Variants in MACROD2 observed in about 807,000 individuals in gnomAD.
MACROD2 encodes the protein mono-ADP ribosylhydrolase 2.
MACROD2 carries 36 observed loss-of-function variants against 70.4 expected under a neutral mutation model. That is an observed-to-expected ratio of 0.51 (90% CI 0.39 to 0.68). MACROD2 has a LOEUF of 0.68. Among genes scored for constraint, MACROD2 ranks in the 30% least tolerant of loss-of-function variants. The pLI, the probability that MACROD2 is intolerant of heterozygous loss-of-function variation, is 0.00. For missense variants in MACROD2, 496 were observed against 538.4 expected (o/e 0.92, Z 0.78); for synonymous variants, 172 against 178.8 (o/e 0.96, Z 0.30).
intron 8 of MACROD2, among the ~76,000 whole-genome samples, chr20:15,811,634 C>A (rs917189330): frequency 6.7e-6 from 1 of 149,754 alleles, no homozygotes; most frequent in Non-Finnish European, 1.5e-5. Flanking sequence ...TTTATTTGAT[C>A]TTTTTTTTTT....
chr20:14,068,770 A>G (rs2053801764), intron 2 of MACROD2, among the ~76,000 whole-genome samples: 1 of 152,174 alleles, frequency 6.6e-6, no homozygotes, highest in South Asian at 2.1e-4. Flanking sequence ...ATTGGGGAAT[A>G]GGGGCTGATA....
intron 5 of MACROD2, among the ~76,000 whole-genome samples, chr20:15,047,489 C>T (rs1024057894): frequency 1.3e-5 from 2 of 152,104 alleles, no homozygotes; most frequent in African/African-American, 4.8e-5. Context: ...ATATTTTTAA[C>T]TCATTTGTGT....
intron 6 of MACROD2, among the ~76,000 whole-genome samples, chr20:15,328,111 A>G (rs2077951960): frequency 6.6e-6 from 1 of 152,082 alleles, no homozygotes; most frequent in Admixed American, 6.6e-5. Flanking sequence ...GTCACTGCAC[A>G]GTATTTAATG....
chr20:15,975,882 G>C (rs1019247785), intron 13 of MACROD2, among the ~76,000 whole-genome samples: 5 of 152,160 alleles, frequency 3.3e-5, no homozygotes, highest in African/African-American at 1.2e-4. Flanking sequence ...GAAAACCAAG[G>C]ATGTCTAGAA....
intron 5 of MACROD2, among the ~76,000 whole-genome samples, chr20:14,936,972 A>C (rs946143220): frequency 6.6e-6 from 1 of 152,134 alleles, no homozygotes; most frequent in African/African-American, 2.4e-5. Context: ...AAAAAGAAGG[A>C]GCTTGTTATT....
intron 5 of MACROD2, among the ~76,000 whole-genome samples, chr20:14,860,354 T>C (rs1370545794): frequency 6.6e-6 from 1 of 152,126 alleles, no homozygotes; most frequent in African/African-American, 2.4e-5. Context: ...CAATGCTTTT[T>C]TTGGATAAGC....
At chr20:15,724,342 G>T (rs187063538) in intron 8 of MACROD2, among the ~76,000 whole-genome samples, 81 of 152,216 alleles carry the variant, frequency 5.3e-4, no homozygotes, top group African/African-American at 1.9e-3. Flanking sequence ...ATGAGTCATT[G>T]TCATACCCAA....
chr20:14,938,940 ATTTT>A (rs1230863391), intron 5 of MACROD2, among the ~76,000 whole-genome samples: 4 of 86,456 alleles, frequency 4.6e-5, no homozygotes, highest in Non-Finnish European at 7.6e-5. Flanking sequence ...GTTAAATCAG[ATTTT>A]TTTTTTTTTT....
chr20:14,535,169 G>C (rs1354661447), intron 4 of MACROD2, among the ~76,000 whole-genome samples: 1 of 152,152 alleles, frequency 6.6e-6, no homozygotes, highest in African/African-American at 2.4e-5. Flanking sequence ...GATTCCTTTA[G>C]AATTTGAGAT....
At chr20:15,326,575 A>G (rs1419446334) in intron 6 of MACROD2, among the ~76,000 whole-genome samples, 4 of 152,166 alleles carry the variant, frequency 2.6e-5, no homozygotes, top group Admixed American at 2.6e-4. Flanking sequence ...TAAATGGTAT[A>G]TGCTTCTATC....
intron 5 of MACROD2, among the ~76,000 whole-genome samples, chr20:14,722,380 A>G (rs1353994519): frequency 6.6e-6 from 1 of 152,190 alleles, no homozygotes; most frequent in Non-Finnish European, 1.5e-5. Context: ...AGCCTCCAGT[A>G]GTATTATTAA....
chr20:15,534,910 A>G (rs1311717869), intron 8 of MACROD2, among the ~76,000 whole-genome samples: 2 of 152,170 alleles, frequency 1.3e-5, no homozygotes, highest in African/African-American at 4.8e-5. Context: ...TCAAAATTAA[A>G]TTTCTAATTA....
chr20:14,439,649 C>T lies in MACROD2; in HGVS notation c.272-53830C>T, dbSNP rs74179741. On this transcript the variant is annotated intron_variant, in intron 3 of 17. Transcript: ENST00000684519. Reference sequence around the variant, plus strand: ...TACAACTTTGGGCAGAATGGTTAATCTCTCTATGCCTCAGTTTTTTTCATT... The same window carrying T: ...TACAACTTTGGGCAGAATGGTTAATTTCTCTATGCCTCAGTTTTTTTCATT... 7.4e-3 allele frequency among the ~76,000 whole-genome samples: 1,130 copies of T among 152,190 alleles called. 7 individuals carry two copies. The highest frequency in any genetic ancestry group is 0.013 in the Non-Finnish European group (893 of 67,998).
At chr20:15,974,444 C>A (rs1304996662) in intron 13 of MACROD2, among the ~76,000 whole-genome samples, 3 of 151,950 alleles carry the variant, frequency 2.0e-5, no homozygotes, top group Non-Finnish European at 4.4e-5. Flanking sequence ...TGTATGAATC[C>A]AATTATATGA....
chr20:14,956,837 G>T (rs1409083408), intron 5 of MACROD2, among the ~76,000 whole-genome samples: 1 of 152,100 alleles, frequency 6.6e-6, no homozygotes, highest in Non-Finnish European at 1.5e-5. Context: ...GTTGCCACAC[G>T]CTTCTGATGA....
At chr20:15,730,190 A>G (rs2050926714) in intron 8 of MACROD2, among the ~76,000 whole-genome samples, 1 of 152,150 alleles carries the variant, frequency 6.6e-6, no homozygotes, top group Non-Finnish European at 1.5e-5. Context: ...CATTTAGCCT[A>G]TTTACATTCA....
intron 4 of MACROD2, among the ~76,000 whole-genome samples, chr20:14,596,429 A>G (rs1372951293): frequency 2.7e-5 from 4 of 149,098 alleles, no homozygotes; most frequent in African/African-American, 7.3e-5. Flanking sequence ...ATATATATAT[A>G]TATATGCTTT....
intron 6 of MACROD2, among the ~76,000 whole-genome samples, chr20:15,301,211 C>T (rs1016696472): frequency 6.6e-6 from 1 of 152,170 alleles, no homozygotes; most frequent in Non-Finnish European, 1.5e-5. Flanking sequence ...TTCTAGGGGG[C>T]ACAGTGGAAA....
chr20:15,200,595 A>G (rs2076647484), intron 5 of MACROD2, among the ~76,000 whole-genome samples: 1 of 152,192 alleles, frequency 6.6e-6, no homozygotes, highest in Non-Finnish European at 1.5e-5. Context: ...AGGTTGTGCT[A>G]TTTGCTAGCA....
Sources: allele counts gnomAD v4.1 joint callset (sites outside exome capture counted in the v4.1 genomes callset), GRCh38; gene constraint gnomAD v4.1.1; transcripts MANE v1.5; gene names NCBI Gene and HGNC (gene_info 2026-07-23, HGNC 2026-07-21).